Variants in PDE4B observed in about 807,000 individuals in gnomAD.
The protein encoded by PDE4B is 3',5'-cyclic-AMP phosphodiesterase 4B.
PDE4B carries 20 observed loss-of-function variants against 82.2 expected under a neutral mutation model. That is an observed-to-expected ratio of 0.24 (90% CI 0.17 to 0.35). The LOEUF (loss-of-function observed/expected upper bound fraction) is 0.35, where lower values mean the gene tolerates loss of function less well. Among genes scored for constraint, PDE4B ranks in the 10% least tolerant of loss-of-function variants. The probability of loss-of-function intolerance (pLI) is 1.00; values close to 1 mark genes in which losing one functional copy is unlikely to be tolerated. For missense variants in PDE4B, 655 were observed against 907.2 expected (o/e 0.72, Z 3.57); for synonymous variants, 320 against 318.9 (o/e 1.00, Z -0.04).
At chr1:65,833,974 A>C (rs1646111632) in intron 1 of PDE4B, among the ~76,000 whole-genome samples, 1 of 152,146 alleles carries the variant, frequency 6.6e-6, no homozygotes, top group Non-Finnish European at 1.5e-5. Flanking sequence ...TGTATGGTGG[A>C]TATATTATAT....
chr1:65,878,763 G>A (rs1646677378), intron 1 of PDE4B, among the ~76,000 whole-genome samples: 1 of 152,008 alleles, frequency 6.6e-6, no homozygotes, highest in East Asian at 1.9e-4. Context: ...GAGAGCATTA[G>A]GACAAATACC....
chr1:66,083,387 T>A (rs1656841736), intron 3 of PDE4B, among the ~76,000 whole-genome samples: 1 of 152,102 alleles, frequency 6.6e-6, no homozygotes, highest in African/African-American at 2.4e-5. Flanking sequence ...CCAGGGACAC[T>A]CAATCCTACC....
chr1:65,864,724 C>G (rs1333032093), intron 1 of PDE4B, among the ~76,000 whole-genome samples: 1 of 152,146 alleles, frequency 6.6e-6, no homozygotes, highest in East Asian at 1.9e-4. Context: ...GCTGCCTGCT[C>G]CTTACTCTGG....
intron 7 of PDE4B, among the ~76,000 whole-genome samples, chr1:66,284,808 G>C (rs912921702): frequency 6.6e-6 from 1 of 152,138 alleles, no homozygotes; most frequent in Non-Finnish European, 1.5e-5. Flanking sequence ...GCTGGGCAAA[G>C]AAAAAAGGGC....
chr1:65,890,519 C>T (rs1337647991), intron 1 of PDE4B, among the ~76,000 whole-genome samples: 1 of 152,028 alleles, frequency 6.6e-6, no homozygotes, highest in Non-Finnish European at 1.5e-5. Context: ...GACATTGTGA[C>T]GGATTGAAGT....
chr1:65,900,156 C>T (rs1443625452), intron 1 of PDE4B, among the ~76,000 whole-genome samples: 1 of 152,006 alleles, frequency 6.6e-6, no homozygotes, highest in Non-Finnish European at 1.5e-5. Flanking sequence ...ATGTAGGGGT[C>T]CAGTTTCATT....
At chr1:66,129,882 C>T (rs1392083961) in intron 3 of PDE4B, among the ~76,000 whole-genome samples, 2 of 152,126 alleles carry the variant, frequency 1.3e-5, no homozygotes, top group Non-Finnish European at 2.9e-5. Flanking sequence ...AGATGTATTA[C>T]ATTTTTCTTG....
At chr1:65,889,818 C>T (rs1307555293) in intron 1 of PDE4B, among the ~76,000 whole-genome samples, 1 of 152,090 alleles carries the variant, frequency 6.6e-6, no homozygotes, top group African/African-American at 2.4e-5. Context: ...GTTCAGTAGA[C>T]ATCTTAATGG....
At chr1:66,056,988 CAT>C (rs1277578357) in intron 3 of PDE4B, among the ~76,000 whole-genome samples, 1 of 152,160 alleles carries the variant, frequency 6.6e-6, no homozygotes, top group Non-Finnish European at 1.5e-5. Context: ...AAAACTAATA[CAT>C]GTGTACATTT....
At chr1:66,366,019 G>A (rs560110971) in intron 13 of PDE4B, among the ~76,000 whole-genome samples, 1 of 152,244 alleles carries the variant, frequency 6.6e-6, no homozygotes, top group Admixed American at 6.5e-5. Flanking sequence ...AATACAATAT[G>A]TAAGGAAAGA....
chr1:65,869,768 G>A (rs965491428), intron 1 of PDE4B, among the ~76,000 whole-genome samples: 1 of 149,568 alleles, frequency 6.7e-6, no homozygotes, highest in Non-Finnish European at 1.5e-5. Context: ...GCTCGAAAAA[G>A]CTGCACTTAT....
intron 1 of PDE4B, among the ~76,000 whole-genome samples, chr1:65,879,687 T>C (rs952924152): frequency 6.6e-6 from 1 of 152,168 alleles, no homozygotes; most frequent in Non-Finnish European, 1.5e-5. Flanking sequence ...GGGAATTGTA[T>C]ATCAGGCACA....
chr1:66,158,162 A>T (rs911532461), intron 3 of PDE4B, among the ~76,000 whole-genome samples: 2 of 152,190 alleles, frequency 1.3e-5, no homozygotes, highest in Admixed American at 6.5e-5. Flanking sequence ...CACAAATTTT[A>T]AACTTTTGAC....
intron 3 of PDE4B, among the ~76,000 whole-genome samples, chr1:66,092,675 A>T (rs1463750025): frequency 6.6e-6 from 1 of 152,096 alleles, no homozygotes; most frequent in Non-Finnish European, 1.5e-5. Context: ...ACCTCTTCTG[A>T]TCTGGGGGTA....
chr1:66,149,373 A>G (rs1646346043), intron 3 of PDE4B, among the ~76,000 whole-genome samples: 1 of 152,222 alleles, frequency 6.6e-6, no homozygotes, highest in Admixed American at 6.5e-5. Flanking sequence ...TATTGATTAT[A>G]TAATTTGCAA....
intron 3 of PDE4B, among the ~76,000 whole-genome samples, chr1:66,042,029 T>G (rs1276323429): frequency 1.3e-5 from 2 of 151,936 alleles, no homozygotes; most frequent in Non-Finnish European, 2.9e-5. Context: ...TGATTCTATT[T>G]TTATTACAAA....
rs559455139 is a variant in PDE4B at position 65,930,091 on chromosome 1, C to A, written c.281+11256C>A. 1.5e-4 allele frequency among the ~76,000 whole-genome samples: 23 copies of A among 152,174 alleles called. 1 individual carries two copies. Among genetic ancestry groups the A allele is most frequent in the Non-Finnish European group, 3.4e-4 (23 of 68,038 alleles). ...AGGAGAGTGAGTCTGAGTCTCAAAA[C>A]TGAAGAACTTGGAGTCCAATGTTTG... On this transcript the variant is annotated intron_variant, in intron 3 of 16. Transcript: ENST00000341517.
intron 3 of PDE4B, among the ~76,000 whole-genome samples, chr1:66,199,841 T>G (rs1648717267): frequency 6.6e-6 from 1 of 152,302 alleles, no homozygotes; most frequent in Non-Finnish European, 1.5e-5. Flanking sequence ...CAGAAGCTCA[T>G]TAGTTTAATT....
At chr1:65,823,837 A>G (rs1247823800) in intron 1 of PDE4B, among the ~76,000 whole-genome samples, 1 of 152,176 alleles carries the variant, frequency 6.6e-6, no homozygotes, top group East Asian at 1.9e-4. Context: ...TGAACACTAT[A>G]GTTTCTTCCT....
Sources: allele counts gnomAD v4.1 joint callset (sites outside exome capture counted in the v4.1 genomes callset), GRCh38; gene constraint gnomAD v4.1.1; transcripts MANE v1.5; gene names NCBI Gene and HGNC (gene_info 2026-07-23, HGNC 2026-07-21).